Variants in TGFBR2 observed in about 807,000 individuals in gnomAD.
The protein encoded by TGFBR2 is TGF-beta receptor type-2.
Under a neutral mutation model 49.0 loss-of-function variants are expected in TGFBR2, and 18 were observed. The ratio of observed to expected loss-of-function variants is 0.37; its 90% CI spans 0.25 to 0.54. TGFBR2 has a LOEUF of 0.54. Ranked by LOEUF, TGFBR2 falls within the 20% of genes least tolerant of loss-of-function variation. The pLI is 0.85. For missense variants in TGFBR2, 525 were observed against 722.6 expected, an observed-to-expected ratio of 0.73 and a Z score of 3.13; for synonymous variants, 282 against 275.9, an observed-to-expected ratio of 1.02 and a Z score of -0.22.
chr3:30,663,961 G>A (rs1699192763), intron 3 of TGFBR2, among the ~76,000 whole-genome samples: 2 of 130,722 alleles, frequency 1.5e-5, no homozygotes, highest in South Asian at 5.7e-4. Context: ...GAAAGAGGAA[G>A]AGAGGGCTAA....
At chr3:30,664,316 A>G (rs775249314) in intron 3 of TGFBR2, among the ~76,000 whole-genome samples, 20 of 151,884 alleles carry the variant, frequency 1.3e-4, no homozygotes, top group Admixed American at 4.6e-4. Flanking sequence ...AGTGGCTTCA[A>G]AGCTTTTGTT....
rs140832957 is a variant in TGFBR2, at chr3:30,662,350, G to A, written c.455-9288G>A. Among the ~76,000 whole-genome samples the A allele has an allele frequency of 5.9e-3, 900 of 152,264 alleles. 12 individuals carry two copies. The highest frequency in any genetic ancestry group is 0.02 in the African/African-American group (832 of 41,534). On this transcript the variant is annotated intron_variant, in intron 3 of 6. Transcript: ENST00000295754. The stretch of plus-strand genomic sequence containing the variant: ...ATTCTAGAAAGAGATTATCATACTG[G>A]ATTAGAATACATGCAAGGCTTTTCC...
At chr3:30,606,369 T>C (rs1697917062), upstream of TGFBR2, 1 of 225,620 alleles carries the variant, frequency 4.4e-6, no homozygotes, top group South Asian at 1.8e-4. Flanking sequence ...CTTGAGTAAA[T>C]ACTTGGAGCG....
Position 30,644,649 on chromosome 3 carries a change from C to T in TGFBR2, c.95-98C>T, listed in dbSNP as rs1000558533. The stretch of plus-strand genomic sequence containing the variant: ...CCTTTCTTCAGATTCATTCTCATGA[C>T]ATCAAGTTCATTTGAAATTGCATAA... On this transcript the variant is annotated intron_variant, in intron 1 of 6. Transcript: ENST00000295754. 3 of 1,145,556 alleles carry T rather than the reference C, an allele frequency of 2.6e-6. No individual in the cohort carries two copies. The African/African-American group carries it at 4.6e-5, about 17-fold the overall frequency. 71.0% of individuals were successfully genotyped at this position (1,145,556 alleles called of 1,614,324 possible).
intron 1 of TGFBR2, among the ~76,000 whole-genome samples, chr3:30,618,200 A>T (rs1461793809): frequency 2.0e-5 from 3 of 150,712 alleles, no homozygotes; most frequent in African/African-American, 7.3e-5. Flanking sequence ...TGAACTGTAG[A>T]ACCCAAGGAC....
At chr3:30,663,106 G>A (rs926327136) in intron 3 of TGFBR2, among the ~76,000 whole-genome samples, 8 of 152,052 alleles carry the variant, frequency 5.3e-5, no homozygotes, top group African/African-American at 1.9e-4. Flanking sequence ...AATTTTTAAA[G>A]GTACAGAAAA....
chr3:30,651,692 T>C (rs1312172007), intron 3 of TGFBR2, among the ~76,000 whole-genome samples: 1 of 152,252 alleles, frequency 6.6e-6, no homozygotes, highest in Non-Finnish European at 1.5e-5. Flanking sequence ...TGTGCTAATA[T>C]TTCTGCAAGG....
chr3:30,647,134 G>T (rs1698756706), intron 2 of TGFBR2, among the ~76,000 whole-genome samples: 1 of 152,134 alleles, frequency 6.6e-6, no homozygotes, highest in Admixed American at 6.5e-5. Flanking sequence ...GCTGTTGAAG[G>T]ATCACTGCTG....
chr3:30,690,039 A>C (rs1283053084), intron 6 of TGFBR2, among the ~76,000 whole-genome samples: 5 of 152,190 alleles, frequency 3.3e-5, no homozygotes, highest in African/African-American at 1.2e-4. Context: ...TCATGAACTC[A>C]TCGGGTGGGG....
chr3:30,645,161 G>T (rs1698707968), intron 2 of TGFBR2, among the ~76,000 whole-genome samples: 2 of 152,034 alleles, frequency 1.3e-5, no homozygotes, highest in Admixed American at 6.5e-5. Flanking sequence ...TAAATGTAAA[G>T]ATCATAAAAT....
At chr3:30,612,265 T>C (rs1698043821) in intron 1 of TGFBR2, among the ~76,000 whole-genome samples, 1 of 152,202 alleles carries the variant, frequency 6.6e-6, no homozygotes, top group Admixed American at 6.6e-5. Flanking sequence ...CTTTATTTTA[T>C]GGATGGAAAG....
chr3:30,677,740 ATGT>A (rs1256005788), intron 5 of TGFBR2, among the ~76,000 whole-genome samples: 2 of 152,174 alleles, frequency 1.3e-5, no homozygotes, highest in African/African-American at 4.8e-5. Context: ...ATTCATCTTG[ATGT>A]TGTCCCTGCT....
At chr3:30,616,340 A>T (rs145737897) in intron 1 of TGFBR2, among the ~76,000 whole-genome samples, 8 of 152,256 alleles carry the variant, frequency 5.3e-5, no homozygotes, top group Admixed American at 4.6e-4. Flanking sequence ...TCATTTTCCT[A>T]CTTTAGAGCC....
intron 1 of TGFBR2, among the ~76,000 whole-genome samples, chr3:30,620,182 G>C (rs1486467519): frequency 1.3e-5 from 2 of 152,114 alleles, no homozygotes; most frequent in African/African-American, 4.8e-5. Context: ...GTGAGACTCT[G>C]TCTCAAAACA....
intron 6 of TGFBR2, 110 bp from the exon 7 acceptor site, chr3:30,691,310 C>A: frequency 8.3e-7 from 1 of 1,200,362 alleles, no homozygotes; most frequent in Non-Finnish European, 1.2e-6. Context: ...AATGCACAGG[C>A]ACTTTTGGAC....
rs562183351 is a variant in TGFBR2 at position 30,614,721 on chromosome 3, G to A, written c.94+7744G>A. On this transcript the variant is annotated intron_variant, in intron 1 of 6. Coordinates refer to ENST00000295754, the MANE Select transcript of TGFBR2 (RefSeq NM_003242.6). ...AACTTTAGAAGGTAGGTTATATTATGCTTATTATAAATCCTCCAGAGTCAA... is the reference window on the plus strand; with the variant it reads ...AACTTTAGAAGGTAGGTTATATTATACTTATTATAAATCCTCCAGAGTCAA... 7.4e-4 allele frequency among the ~76,000 whole-genome samples: 113 copies of A among 152,246 alleles called. 1 individual carries two copies. Among genetic ancestry groups the A allele is most frequent in the African/African-American group, 2.6e-3 (107 of 41,546 alleles).
In TGFBR2 at chr3:30,681,282, C is replaced by A. The variant is rs199814567; in HGVS notation, c.1396+7036C>A. On this transcript the variant is annotated intron_variant, in intron 5 of 6. Transcript: ENST00000295754. ...GGCTGAGGAGAGACCAGGATTGAAA[C>A]GCTTCATTTTCCTGGATTTCAAGGG... 2.6e-5 allele frequency among the ~76,000 whole-genome samples: 4 copies of A among 151,508 alleles called. No homozygotes were observed. In the East Asian group the frequency reaches 7.8e-4, roughly 30 times the overall value.
chr3:30,634,322 T>A (rs1698488154), intron 1 of TGFBR2, among the ~76,000 whole-genome samples: 2 of 152,220 alleles, frequency 1.3e-5, no homozygotes, highest in Non-Finnish European at 1.5e-5. Flanking sequence ...CTCAGTACTT[T>A]GAGATAAAGA....
In TGFBR2 at chr3:30,648,445, CA is replaced by C. The variant is rs1559458146; in HGVS notation, c.264-1824del. Among the ~76,000 whole-genome samples the C allele has an allele frequency of 6.3e-4, 94 of 150,250 alleles. 1 individual carries two copies. Among genetic ancestry groups the C allele is most frequent in the Middle Eastern group, 3.4e-3 (1 of 292 alleles). On this transcript the variant is annotated intron_variant, in intron 2 of 6. Coordinates refer to ENST00000295754, the MANE Select transcript of TGFBR2 (RefSeq NM_003242.6). ...ACACACACACACACACACACACACA[CA>C]CACACACACACACACAAAACTGTGG... is the stretch of plus-strand genomic sequence containing the variant.
Sources: allele counts gnomAD v4.1 joint callset (sites outside exome capture counted in the v4.1 genomes callset), GRCh38; gene constraint gnomAD v4.1.1; transcripts MANE v1.5; gene names NCBI Gene and HGNC (gene_info 2026-07-23, HGNC 2026-07-21).